The following MARCHF5 variants were observed in gnomAD, a reference collection of about 807,000 sequenced individuals.
MARCHF5 encodes E3 ubiquitin-protein ligase MARCHF5.
In MARCHF5, 5 loss-of-function variants were observed where a neutral mutation model predicts 36.5. The observed-to-expected ratio is 0.14, with a 90% CI of 0.07 to 0.29. The LOEUF (loss-of-function observed/expected upper bound fraction) is 0.29. Among genes scored for constraint, MARCHF5 ranks in the 10% least tolerant of loss-of-function variants. MARCHF5 has a pLI of 1.00. For missense variants in MARCHF5, 179 were observed against 336.3 expected (o/e 0.53, Z 3.66); for synonymous variants, 103 against 109.9 (o/e 0.94, Z 0.39).
chr10:92,305,413 A>AG (rs1418688898), intron 1 of MARCHF5, among the ~76,000 whole-genome samples: 1 of 152,116 alleles, frequency 6.6e-6, no homozygotes, highest in Non-Finnish European at 1.5e-5. Context: ...TCTCCAAAAA[A>AG]AAAAAGAATA....
At chr10:92,339,962 TATTCA>T (rs1341750737) in intron 2 of MARCHF5, among the ~76,000 whole-genome samples, 1 of 152,156 alleles carries the variant, frequency 6.6e-6, no homozygotes, top group Non-Finnish European at 1.5e-5. Context: ...TAGAGAATAA[TATTCA>T]ATTAAATACA....
intron 2 of MARCHF5, among the ~76,000 whole-genome samples, chr10:92,336,226 G>C (rs1355922102): frequency 6.6e-6 from 1 of 152,114 alleles, no homozygotes; most frequent in Non-Finnish European, 1.5e-5. Flanking sequence ...TAGTAGAAAC[G>C]GGGTTTCACC....
chr10:92,353,135 T>C lies in MARCHF5; in HGVS notation c.*1928T>C, dbSNP rs1378653923. 1.3e-5 allele frequency: 2 copies of C among 152,026 alleles called. No individual in the cohort carries two copies. Among genetic ancestry groups the C allele is most frequent in the African/African-American group, 4.8e-5 (2 of 41,406 alleles). The allele number at this position is 152,026 out of a possible 1,614,324, so 9.4% of individuals were successfully genotyped here. Reference sequence around the variant, plus strand: ...ATCCTTTTGGGGCAGGAGGGAGGGTTTTTTTAGGGTTGCGGGGAGGGAACT... The same window carrying C: ...ATCCTTTTGGGGCAGGAGGGAGGGTCTTTTTAGGGTTGCGGGGAGGGAACT... On this transcript the variant is annotated 3_prime_UTR_variant, in exon 6 of 6. Coordinates refer to ENST00000358935, the MANE Select transcript of MARCHF5 (RefSeq NM_017824.5).
At chr10:92,334,224 GA>G (rs1843475499) in intron 2 of MARCHF5, among the ~76,000 whole-genome samples, 1 of 152,166 alleles carries the variant, frequency 6.6e-6, no homozygotes. Context: ...GGTCTAGGTC[GA>G]AATCAGTTCA....
rs1056517080 is a variant in MARCHF5, at chr10:92,314,753, C to T, written c.238+3416C>T. Among the ~76,000 whole-genome samples the T allele has an allele frequency of 2.3e-4, 28 of 123,960 alleles. 3 individuals are homozygous for T. Among genetic ancestry groups the T allele is most frequent in the Admixed American group, 1.0e-3 (12 of 11,694 alleles). The allele number at this position is 123,960 out of a possible 152,430, so 81.3% of individuals were successfully genotyped here. On this transcript the variant is annotated intron_variant, in intron 2 of 5. Coordinates refer to ENST00000358935, the MANE Select transcript of MARCHF5 (RefSeq NM_017824.5). ...TGCTGCTGCTGCTTCCCCCCGCCCC[C>T]CCCCGCCAATAGAGGTTGGGTCTTG...
intron 2 of MARCHF5, among the ~76,000 whole-genome samples, chr10:92,335,370 C>G (rs1225505437): frequency 6.6e-6 from 1 of 152,196 alleles, no homozygotes; most frequent in Non-Finnish European, 1.5e-5. Context: ...ATTGTTCTTA[C>G]TCACCAAATA....
At chr10:92,299,652 A>G (rs567770959) in intron 1 of MARCHF5, among the ~76,000 whole-genome samples, 3 of 152,134 alleles carry the variant, frequency 2.0e-5, no homozygotes, top group Non-Finnish European at 4.4e-5. Context: ...TACTTGTCCC[A>G]TGTCTCAGAG....
At chr10:92,298,341 C>G (rs1291620890) in intron 1 of MARCHF5, among the ~76,000 whole-genome samples, 2 of 152,162 alleles carry the variant, frequency 1.3e-5, no homozygotes, top group Non-Finnish European at 2.9e-5. Context: ...AGTACACTTA[C>G]TCACTCTCTT....
chr10:92,305,921 C>A (rs1843068739), intron 1 of MARCHF5, among the ~76,000 whole-genome samples: 1 of 152,206 alleles, frequency 6.6e-6, no homozygotes. Context: ...CAGAGTGAGA[C>A]CCTGTCTCAA....
At chr10:92,291,600 G>C in intron 1 of MARCHF5, 71 bp downstream of exon 1, 1 of 1,456,444 alleles carries the variant, frequency 6.9e-7, no homozygotes, top group Non-Finnish European at 9.0e-7. Context: ...CCGCCCTCGA[G>C]GCTCTTGGTG....
chr10:92,315,543 G>A lies in MARCHF5; in HGVS notation c.238+4206G>A, dbSNP rs188092726. ...GATATGAACACTTCAGTGGCTTCTT[G>A]TCCCTATTTAATAATGTATCACAAT... is the stretch of plus-strand genomic sequence containing the variant. On this transcript the variant is annotated intron_variant, in intron 2 of 5. Transcript: ENST00000358935. Among the ~76,000 whole-genome samples, 8 of 152,290 alleles carry A rather than the reference G, an allele frequency of 5.3e-5. No individual in the cohort carries two copies. The South Asian group carries it at 1.0e-3, about 20-fold the overall frequency.
chr10:92,324,127 T>C (rs1012618458), intron 2 of MARCHF5, among the ~76,000 whole-genome samples: 1 of 152,244 alleles, frequency 6.6e-6, no homozygotes, highest in Non-Finnish European at 1.5e-5. Flanking sequence ...TTTGAAATTT[T>C]CTAATGACAT....
chr10:92,340,034 C>T (rs1006874370), intron 2 of MARCHF5, among the ~76,000 whole-genome samples: 1 of 151,778 alleles, frequency 6.6e-6, no homozygotes, highest in East Asian at 1.9e-4. Flanking sequence ...AGAAAATGGC[C>T]CTGGTTACCT....
intron 1 of MARCHF5, among the ~76,000 whole-genome samples, chr10:92,295,976 C>T (rs987489185): frequency 6.6e-6 from 1 of 151,540 alleles, no homozygotes; most frequent in African/African-American, 2.4e-5. Flanking sequence ...CTCGGGTTCG[C>T]GTGATTCTCC....
chr10:92,326,707 T>C (rs1473777736), intron 2 of MARCHF5, among the ~76,000 whole-genome samples: 1 of 151,928 alleles, frequency 6.6e-6, no homozygotes, highest in Non-Finnish European at 1.5e-5. Context: ...TTTCTTGATA[T>C]TTGCTTTGCT....
intron 2 of MARCHF5, among the ~76,000 whole-genome samples, chr10:92,326,354 G>A (rs1843358237): frequency 6.6e-6 from 1 of 152,062 alleles, no homozygotes; most frequent in Non-Finnish European, 1.5e-5. Context: ...TCCTCAGTTT[G>A]TAGATAAGAA....
intron 2 of MARCHF5, among the ~76,000 whole-genome samples, chr10:92,322,824 G>A (rs1392569386): frequency 6.6e-6 from 1 of 150,414 alleles, no homozygotes; most frequent in Non-Finnish European, 1.5e-5. Context: ...TGCAACCTCC[G>A]CCTCCTGGGT....
chr10:92,302,421 A>G (rs1374412645), intron 1 of MARCHF5, among the ~76,000 whole-genome samples: 3 of 149,656 alleles, frequency 2.0e-5, no homozygotes, highest in African/African-American at 4.9e-5. Flanking sequence ...AATAAGCAAC[A>G]CGTAGTTTTC....
At chr10:92,296,371 C>T (rs2135173982) in intron 1 of MARCHF5, among the ~76,000 whole-genome samples, 1 of 152,166 alleles carries the variant, frequency 6.6e-6, no homozygotes, top group South Asian at 2.1e-4. Flanking sequence ...TAAGCCCAAA[C>T]CCTTTATGTC....
Sources: allele counts gnomAD v4.1 joint callset (sites outside exome capture counted in the v4.1 genomes callset), GRCh38; gene constraint gnomAD v4.1.1; transcripts MANE v1.5; gene names NCBI Gene and HGNC (gene_info 2026-07-23, HGNC 2026-07-21).